The following SUGCT variants were observed in gnomAD, a reference collection of about 807,000 sequenced individuals.
SUGCT encodes the protein succinyl-CoA:glutarate CoA-transferase.
Under a neutral mutation model 55.0 loss-of-function variants are expected in SUGCT, and 41 were observed. The observed-to-expected ratio is 0.74, with a 90% CI of 0.58 to 0.97. SUGCT has a LOEUF of 0.97. Ranked by LOEUF, SUGCT falls within the 50% of genes least tolerant of loss-of-function variation. The pLI is 0.00. For synonymous variants in SUGCT, 187 were observed against 200.4 expected (o/e 0.93, Z 0.56); for missense variants, 568 against 547.8 (o/e 1.04, Z -0.37).
the SUGCT span, among the ~76,000 whole-genome samples, chr7:41,038,148 T>C: frequency 6.6e-6 from 1 of 152,152 alleles, no homozygotes; most frequent in African/African-American, 2.4e-5. Context: ...GGCACCTGCC[T>C]GCCCGGAGCT....
the SUGCT span, among the ~76,000 whole-genome samples, chr7:40,906,345 G>C: frequency 6.6e-6 from 1 of 152,002 alleles, no homozygotes; most frequent in African/African-American, 2.4e-5. Flanking sequence ...GAGAGAACTG[G>C]GGAAACATTG....
At chr7:40,172,971 G>A (rs368525849) in intron 1 of SUGCT, among the ~76,000 whole-genome samples, 5 of 152,332 alleles carry the variant, frequency 3.3e-5, no homozygotes, top group East Asian at 1.9e-4. Context: ...ATTACTCACA[G>A]CTTTGGAGAA....
intron 12 of SUGCT, among the ~76,000 whole-genome samples, chr7:40,704,950 T>G (rs936122913): frequency 6.6e-6 from 1 of 152,196 alleles, no homozygotes; most frequent in African/African-American, 2.4e-5. Flanking sequence ...TCAACCACTA[T>G]GTAAATGACA....
At chr7:40,482,481 C>G (rs1562807823) in intron 11 of SUGCT, among the ~76,000 whole-genome samples, 2 of 152,100 alleles carry the variant, frequency 1.3e-5, no homozygotes, top group South Asian at 4.1e-4. Flanking sequence ...CTTCTTTTCT[C>G]TCTGTCGATA....
At chr7:40,894,123 C>T in the SUGCT span, among the ~76,000 whole-genome samples, 1 of 150,724 alleles carries the variant, frequency 6.6e-6, no homozygotes, top group Non-Finnish European at 1.5e-5. Flanking sequence ...GGTACTGATA[C>T]AAAAACAGGC....
chr7:40,495,799 A>C (rs1256292441), intron 11 of SUGCT, among the ~76,000 whole-genome samples: 1 of 152,168 alleles, frequency 6.6e-6, no homozygotes, highest in Admixed American at 6.5e-5. Context: ...CACAGTGCAA[A>C]GGTTGTTTGT....
the SUGCT span, among the ~76,000 whole-genome samples, chr7:40,920,325 A>G: frequency 6.6e-6 from 1 of 152,218 alleles, no homozygotes; most frequent in African/African-American, 2.4e-5. Flanking sequence ...TCTGTGAGGA[A>G]AGTATGCCCT....
chr7:40,695,634 T>A (rs772169350), intron 12 of SUGCT, among the ~76,000 whole-genome samples: 1 of 152,202 alleles, frequency 6.6e-6, no homozygotes, highest in African/African-American at 2.4e-5. Flanking sequence ...ATAGCAAATA[T>A]TACTGAGAGC....
chr7:40,745,899 A>G (rs1212508751), intron 12 of SUGCT, among the ~76,000 whole-genome samples: 1 of 152,218 alleles, frequency 6.6e-6, no homozygotes, highest in Non-Finnish European at 1.5e-5. Context: ...AAATTATAGC[A>G]GTTAATTGTT....
In SUGCT at chr7:40,180,931, TTC is replaced by T. The variant is rs1159765991; in HGVS notation, c.101-12_101-11del. 3 of 1,584,892 alleles carry T rather than the reference TTC, an allele frequency of 1.9e-6. No individual in the cohort carries two copies. The highest frequency in any genetic ancestry group is 2.7e-5 in the African/African-American group (2 of 74,324). On this transcript the variant is annotated splice_polypyrimidine_tract_variant and intron_variant, in intron 1 of 13. Transcript: ENST00000335693. ...TACTAATGAATTATCTTGAAATGTT[TTC>T]TCTGTTTTGCCAGATATGAACAATA...
At chr7:40,228,013 G>A (rs1358000221) in intron 6 of SUGCT, among the ~76,000 whole-genome samples, 1 of 152,002 alleles carries the variant, frequency 6.6e-6, no homozygotes, top group Admixed American at 6.6e-5. Context: ...CTCCCAAATA[G>A]CTGGGATTAC....
At chr7:40,548,394 T>C (rs1167317524) in intron 12 of SUGCT, among the ~76,000 whole-genome samples, 1 of 152,082 alleles carries the variant, frequency 6.6e-6, no homozygotes, top group East Asian at 1.9e-4. Flanking sequence ...AGACAGGTCT[T>C]GCTTTGTTGC....
intron 10 of SUGCT, among the ~76,000 whole-genome samples, chr7:40,453,237 C>T (rs1173484636): frequency 6.6e-6 from 1 of 152,170 alleles, no homozygotes; most frequent in Non-Finnish European, 1.5e-5. Flanking sequence ...GAAGAACTTT[C>T]TTCATTGCTG....
intron 12 of SUGCT, among the ~76,000 whole-genome samples, chr7:40,740,968 A>C (rs1298043828): frequency 6.6e-6 from 1 of 152,186 alleles, no homozygotes; most frequent in Non-Finnish European, 1.5e-5. Context: ...ATTCATATCC[A>C]GAATATGTAA....
intron 1 of SUGCT, among the ~76,000 whole-genome samples, chr7:40,171,759 A>T (rs182341363): frequency 8.3e-4 from 126 of 152,306 alleles, no homozygotes; most frequent in Middle Eastern, 3.4e-3. Context: ...TGGATTAAGA[A>T]TTTTTGATAG....
chr7:41,001,283 GAGA>G, the SUGCT span, among the ~76,000 whole-genome samples: 9 of 152,216 alleles, frequency 5.9e-5, no homozygotes, highest in East Asian at 1.7e-3. Context: ...CAGAAACTCA[GAGA>G]AGGAGTGTCA....
At chr7:40,479,705 C>T (rs1037581436) in intron 11 of SUGCT, among the ~76,000 whole-genome samples, 3 of 152,036 alleles carry the variant, frequency 2.0e-5, no homozygotes, top group African/African-American at 7.2e-5. Context: ...TTTCTGATAG[C>T]AGTCATTATA....
intron 9 of SUGCT, among the ~76,000 whole-genome samples, chr7:40,445,633 C>G (rs929552773): frequency 1.3e-5 from 2 of 152,034 alleles, no homozygotes; most frequent in African/African-American, 4.8e-5. Flanking sequence ...GGGAATCCTC[C>G]CTAACTCATT....
chr7:40,736,297 A>G (rs1787163874), intron 12 of SUGCT, among the ~76,000 whole-genome samples: 1 of 144,896 alleles, frequency 6.9e-6, no homozygotes, highest in South Asian at 2.1e-4. Context: ...TAATATTTAT[A>G]TAATCTATTA....
Sources: gnomAD v4.1 joint callset for allele counts (sites outside exome capture counted in the v4.1 genomes callset) on GRCh38, gnomAD v4.1.1 for gene constraint, MANE v1.5 for transcripts, NCBI Gene and HGNC (gene_info 2026-07-23, HGNC 2026-07-21) for gene names.